Variants in TULP3 observed in about 807,000 individuals in gnomAD.
The protein encoded by TULP3 is TUB like protein 3, also known as tubby-related protein 3.
TULP3 carries 38 observed loss-of-function variants against 50.7 expected under a neutral mutation model. The ratio of observed to expected loss-of-function variants is 0.75; its 90% CI spans 0.58 to 0.98. The LOEUF is 0.98. Among genes scored for constraint, TULP3 ranks in the 50% least tolerant of loss-of-function variants. The pLI, the probability that TULP3 is intolerant of heterozygous loss-of-function variation, is 0.00. For missense variants in TULP3, 550 were observed against 568.0 expected, an observed-to-expected ratio of 0.97 and a Z score of 0.32; for synonymous variants, 183 against 196.6, an observed-to-expected ratio of 0.93 and a Z score of 0.58.
At chr12:2,928,142 A>T (rs542774370) in intron 4 of TULP3, among the ~76,000 whole-genome samples, 3 of 152,352 alleles carry the variant, frequency 2.0e-5, no homozygotes, top group Middle Eastern at 3.4e-3. Context: ...TTCATCCAGC[A>T]GTTTTAAATT....
At chr12:2,931,975 T>A (rs1031550500) in intron 6 of TULP3, among the ~76,000 whole-genome samples, 2 of 152,144 alleles carry the variant, frequency 1.3e-5, no homozygotes, top group African/African-American at 4.8e-5. Context: ...TTGCACTAAG[T>A]GGTGGCAGAG....
chr12:2,898,079 C>CAAAAAAAAAAAAAAAAA (rs59718569), intron 1 of TULP3, among the ~76,000 whole-genome samples: 1 of 93,194 alleles, frequency 1.1e-5, no homozygotes, highest in African/African-American at 3.8e-5. Flanking sequence ...AACTAGATCT[C>CAAAAAAAAAAAAAAAAA]AAAAAAAAAA....
intron 1 of TULP3, among the ~76,000 whole-genome samples, chr12:2,894,795 G>A (rs917152315): frequency 2.6e-5 from 4 of 151,718 alleles, no homozygotes; most frequent in Non-Finnish European, 5.9e-5. Context: ...TCCGGGAACT[G>A]AGGCAGAAGA....
At chr12:2,923,321 A>T (rs2098192852) in intron 4 of TULP3, among the ~76,000 whole-genome samples, 1 of 152,310 alleles carries the variant, frequency 6.6e-6, no homozygotes, top group Non-Finnish European at 1.5e-5. Context: ...ATGGCATAAT[A>T]AATGAACGTT....
intron 1 of TULP3, among the ~76,000 whole-genome samples, chr12:2,898,886 C>A (rs369295320): frequency 6.1e-4 from 92 of 152,010 alleles, no homozygotes; most frequent in African/African-American, 2.1e-3. Context: ...ACTATGTTGC[C>A]CAGGCTGGTC....
chr12:2,908,042 C>T (rs1176673472), intron 1 of TULP3, among the ~76,000 whole-genome samples: 2 of 152,060 alleles, frequency 1.3e-5, no homozygotes, highest in African/African-American at 2.4e-5. Context: ...GGTTGTTAAA[C>T]GTGCCTCCCA....
intron 9 of TULP3, 101 bp downstream of exon 9, chr12:2,937,830 G>T (rs1372510272): frequency 2.9e-6 from 3 of 1,042,094 alleles, no homozygotes; most frequent in Non-Finnish European, 2.8e-6. Flanking sequence ...AGCTTCCAGA[G>T]CCCCACACTG....
chr12:2,932,942 TA>T (rs1486915807), intron 6 of TULP3, among the ~76,000 whole-genome samples: 4 of 150,454 alleles, frequency 2.7e-5, no homozygotes, highest in Non-Finnish European at 6.0e-5. Flanking sequence ...ATTTTATTTT[TA>T]TTTTTTATTT....
chr12:2,914,591 T>C (rs570925913), intron 2 of TULP3, among the ~76,000 whole-genome samples: 28 of 152,354 alleles, frequency 1.8e-4, no homozygotes, highest in Non-Finnish European at 2.4e-4. Flanking sequence ...AATACTTTCC[T>C]GTTGAGTATA....
At chr12:2,928,511 C>T (rs977323578) in intron 4 of TULP3, among the ~76,000 whole-genome samples, 3 of 151,184 alleles carry the variant, frequency 2.0e-5, no homozygotes, top group African/African-American at 7.3e-5. Context: ...CCCTGGGCAA[C>T]GAGAGCGAAA....
At chr12:2,891,024 A>C in intron 1 of TULP3, 36 bp downstream of exon 1, 1 of 1,536,010 alleles carries the variant, frequency 6.5e-7, no homozygotes, top group Non-Finnish European at 8.8e-7. Flanking sequence ...CTCCTGAGCG[A>C]GGCGGAGGGG....
rs771074689 is a variant in TULP3 at position 2,937,200 on chromosome 12, A to ATTTTTTTTTTTTTTTTTTTTT, written c.925-420_925-400dup. 9.2e-5 allele frequency among the ~76,000 whole-genome samples: 5 copies of ATTTTTTTTTTTTTTTTTTTTT among 54,466 alleles called. 2 individuals carry two copies. The highest frequency in any genetic ancestry group is 7.2e-4 in the Admixed American group (2 of 2,772). The allele number at this position is 54,466 out of a possible 152,430, so 35.7% of individuals were successfully genotyped here. On this transcript the variant is annotated intron_variant, in intron 8 of 10. Transcript: ENST00000448120. ...AATAAAATTATTTTTGGTACACCTG[A>ATTTTTTTTTTTTTTTTTTTTT]TTTTTTTTTTTTTTTTTTTTTTTTT...
intron 2 of TULP3, 133 bp downstream of exon 2, chr12:2,909,713 G>GA (rs2098184381): frequency 7.5e-6 from 7 of 935,670 alleles, no homozygotes; most frequent in Non-Finnish European, 1.1e-5. Context: ...GGTTACCTGT[G>GA]AAGCAGTGTC....
chr12:2,899,899 AAAAC>A (rs1166551644), intron 1 of TULP3, among the ~76,000 whole-genome samples: 31 of 47,526 alleles, frequency 6.5e-4, no homozygotes, highest in Admixed American at 4.1e-4. Flanking sequence ...TCTCAAAAAA[AAAAC>A]AAACAAAAAA....
At chr12:2,916,739 A>G (rs2098188906) in intron 2 of TULP3, among the ~76,000 whole-genome samples, 1 of 152,204 alleles carries the variant, frequency 6.6e-6, no homozygotes, top group African/African-American at 2.4e-5. Context: ...CTCCTCCCCC[A>G]TCCAAACTGC....
At chr12:2,898,522 GTC>G (rs1310850717) in intron 1 of TULP3, among the ~76,000 whole-genome samples, 1 of 152,154 alleles carries the variant, frequency 6.6e-6, no homozygotes, top group Non-Finnish European at 1.5e-5. Context: ...GGGCCATACA[GTC>G]TCTGTCCCAG....
chr12:2,894,534 CAA>C lies in TULP3; in HGVS notation c.41+3550_41+3551del, dbSNP rs1431324929. 1.4e-3 allele frequency among the ~76,000 whole-genome samples: 89 copies of C among 61,746 alleles called. 1 individual carries two copies. The highest frequency in any genetic ancestry group is 4.2e-3 in the African/African-American group (78 of 18,660). 40.5% of individuals were successfully genotyped at this position (61,746 alleles called of 152,430 possible). A position where few individuals can be genotyped will look rare whatever the true frequency, so the allele number is the denominator to read the frequency against. Reference sequence around the variant, plus strand: ...TGGGTGACAGAGCAAGACTCCGTCTCAAAAACACACACACACACACACACACA... The same window carrying C: ...TGGGTGACAGAGCAAGACTCCGTCTCAAACACACACACACACACACACACA... On this transcript the variant is annotated intron_variant, in intron 1 of 10. Transcript: ENST00000448120.
rs63397262 is a variant in TULP3, at chr12:2,893,811, A to ATT, written c.41+2827_41+2828dup. ...TTATTAACTACAAATATTTTTTTTAATTTTTATTTTTTTGTAGAGACAAGG... is the reference window on the plus strand; with the variant it reads ...TTATTAACTACAAATATTTTTTTTAATTTTTTTATTTTTTTGTAGAGACAAGG... On this transcript the variant is annotated intron_variant, in intron 1 of 10. Coordinates refer to ENST00000448120, the MANE Select transcript of TULP3 (RefSeq NM_003324.5). Among the ~76,000 whole-genome samples, 97 of 146,614 alleles carry ATT rather than the reference A, an allele frequency of 6.6e-4. 1 individual carries two copies. Among genetic ancestry groups the ATT allele is most frequent in the East Asian group, 1.2e-3 (6 of 4,912 alleles).
chr12:2,909,757 T>C (rs1421670231), intron 2 of TULP3, among the ~76,000 whole-genome samples, 177 bp downstream of exon 2: 1 of 152,182 alleles, frequency 6.6e-6, no homozygotes, highest in Non-Finnish European at 1.5e-5. Context: ...AGGCTCTGGC[T>C]ATGGCAAGAC....
Sources: allele counts gnomAD v4.1 joint callset (sites outside exome capture counted in the v4.1 genomes callset), GRCh38; gene constraint gnomAD v4.1.1; transcripts MANE v1.5; gene names NCBI Gene and HGNC (gene_info 2026-07-23, HGNC 2026-07-21).